USP34: variants seen among roughly 807,000 people sequenced by gnomAD.
The protein encoded by USP34 is ubiquitin carboxyl-terminal hydrolase 34.
Under a neutral mutation model 460.3 loss-of-function variants are expected in USP34, and 70 were observed. That is an observed-to-expected ratio of 0.15 (90% confidence interval 0.13 to 0.19). The LOEUF is 0.19. Among genes scored for constraint, USP34 ranks in the 10% least tolerant of loss-of-function variants. The pLI, the probability that USP34 is intolerant of heterozygous loss-of-function variation, is 1.00. For synonymous variants in USP34, 1,647 were observed against 1,405.3 expected (o/e 1.17, Z -3.85); for missense variants, 3,985 against 4,236.2 (o/e 0.94, Z 1.65).
intron 37 of USP34, among the ~76,000 whole-genome samples, chr2:61,282,559 C>G (rs1330741403): frequency 6.6e-6 from 1 of 152,096 alleles, no homozygotes; most frequent in African/African-American, 2.4e-5. Flanking sequence ...GAGGCCGAGG[C>G]AGGAGCATTA....
chr2:61,374,723 C>G (rs1044822723), intron 8 of USP34, among the ~76,000 whole-genome samples: 1 of 152,120 alleles, frequency 6.6e-6, no homozygotes, highest in Admixed American at 6.6e-5. Flanking sequence ...GATTCACCAC[C>G]AGGCCCAGCT....
intron 8 of USP34, among the ~76,000 whole-genome samples, chr2:61,376,276 T>C (rs1329590126): frequency 6.6e-6 from 1 of 152,004 alleles, no homozygotes; most frequent in Non-Finnish European, 1.5e-5. Flanking sequence ...TCACATGCTT[T>C]TTCTGTTTAC....
At chr2:61,229,476 C>CAAAAA in intron 59 of USP34, 72 bp downstream of exon 59, 7 of 395,194 alleles carry the variant, frequency 1.8e-5, no homozygotes, top group Non-Finnish European at 2.3e-5. Flanking sequence ...AAAAAAAAAA[C>CAAAAA]AAAAAAAAAA....
At chr2:61,266,281 C>A (rs1014596032) in intron 41 of USP34, 114 bp from the exon 42 acceptor site, 5 of 988,506 alleles carry the variant, frequency 5.1e-6, no homozygotes, top group African/African-American at 4.9e-5. Context: ...AAACGTATAG[C>A]AGCATGATAT....
chr2:61,221,683 T>C (rs1035646514), intron 65 of USP34, 77 bp from the exon 66 acceptor site: 1 of 1,285,352 alleles, frequency 7.8e-7, no homozygotes, highest in Non-Finnish European at 1.1e-6. Context: ...ACATATATTC[T>C]ACTACACACT....
At chr2:61,283,574 T>TGAGTGA (rs59387275) in intron 35 of USP34, 125 bp from the exon 36 acceptor site, 28 of 681,694 alleles carry the variant, frequency 4.1e-5, no homozygotes, top group East Asian at 8.9e-5. Context: ...AGTGGGTGTG[T>TGAGTGA]GAGTGAGAGT....
At chr2:61,290,400 A>G (rs1213917321) in intron 33 of USP34, among the ~76,000 whole-genome samples, 1 of 152,132 alleles carries the variant, frequency 6.6e-6, no homozygotes, top group Non-Finnish European at 1.5e-5. Flanking sequence ...GTTTACAGAA[A>G]CTTTATTTTA....
chr2:61,470,711 CCCCT>C lies in USP34; in HGVS notation c.-23_-20del. ...CGCACATCGTTCGGCCGCCGCCCCC[CCCCT>C]CCCCCGCTTCGGATCACACTGACTG... On this transcript the variant is annotated 5_prime_UTR_variant, in exon 1 of 80. Coordinates refer to ENST00000398571, the MANE Select transcript of USP34 (RefSeq NM_014709.4). 1.3e-6 allele frequency: 2 copies of C among 1,589,054 alleles called. No individual in the cohort carries two copies. Among genetic ancestry groups the C allele is most frequent in the Non-Finnish European group, 1.7e-6 (2 of 1,167,150 alleles).
chr2:61,226,914 T>A, intron 62 of USP34, 153 bp downstream of exon 62: 1 of 968,750 alleles, frequency 1.0e-6, no homozygotes, highest in Non-Finnish European at 1.4e-6. Context: ...AGTAGTATTA[T>A]TTAAAAGGAT....
rs79196656 is a variant in USP34 at position 61,262,342 on chromosome 2, A to G, written c.5779-2566T>C. 1.1e-4 allele frequency among the ~76,000 whole-genome samples: 16 copies of G among 151,650 alleles called. No individual in the cohort carries two copies. The East Asian group carries it at 2.9e-3, about 28-fold the overall frequency. ...TTTTCAATCCTGTTCCTCTTCCCACACTCCACCCTCAGGTAGGACACAACG... is the reference window on the plus strand; with the variant it reads ...TTTTCAATCCTGTTCCTCTTCCCACGCTCCACCCTCAGGTAGGACACAACG... On this transcript the variant is annotated intron_variant, in intron 43 of 79. Coordinates refer to ENST00000398571, the MANE Select transcript of USP34 (RefSeq NM_014709.4).
At chr2:61,237,863 G>A (rs1688115320) in intron 53 of USP34, among the ~76,000 whole-genome samples, 1 of 150,510 alleles carries the variant, frequency 6.6e-6, no homozygotes, top group African/African-American at 2.4e-5. Flanking sequence ...ATCTCATCCT[G>A]CCCACCCTGC....
intron 21 of USP34, among the ~76,000 whole-genome samples, chr2:61,323,377 G>A (rs1690986621): frequency 6.6e-6 from 1 of 152,060 alleles, no homozygotes; most frequent in Admixed American, 6.6e-5. Flanking sequence ...AGCTGGGTGT[G>A]GTGGTGGGCG....
chr2:61,439,918 G>A (rs1484179073), intron 1 of USP34, among the ~76,000 whole-genome samples: 1 of 152,158 alleles, frequency 6.6e-6, no homozygotes, highest in African/African-American at 2.4e-5. Context: ...AGGGACTGCT[G>A]CTGGGCCAAC....
chr2:61,338,181 C>A (rs540145620), intron 18 of USP34, among the ~76,000 whole-genome samples: 2 of 152,228 alleles, frequency 1.3e-5, no homozygotes, highest in South Asian at 4.2e-4. Flanking sequence ...ATTAGCCAGC[C>A]ATGATGGCAG....
intron 35 of USP34, among the ~76,000 whole-genome samples, chr2:61,284,468 T>C (rs897144842): frequency 6.6e-6 from 1 of 152,088 alleles, no homozygotes; most frequent in Non-Finnish European, 1.5e-5. Flanking sequence ...GCAAGAAAAA[T>C]ACTGCTATAA....
chr2:61,244,785 A>G (rs774491165), intron 51 of USP34, among the ~76,000 whole-genome samples: 2 of 152,050 alleles, frequency 1.3e-5, no homozygotes, highest in Non-Finnish European at 2.9e-5. Flanking sequence ...ACATTTTTTT[A>G]ATTTCTTTTT....
chr2:61,230,144 T>A (rs1687849487), intron 58 of USP34, among the ~76,000 whole-genome samples: 1 of 152,086 alleles, frequency 6.6e-6, no homozygotes, highest in Non-Finnish European at 1.5e-5. Context: ...ATGGCTAAAA[T>A]AAAAGACAGT....
intron 10 of USP34, among the ~76,000 whole-genome samples, chr2:61,356,487 A>G (rs1465936928): frequency 2.6e-4 from 33 of 128,642 alleles, no homozygotes; most frequent in Admixed American, 7.2e-4. Context: ...ACACACACAC[A>G]CACACACACA....
intron 20 of USP34, 125 bp from the exon 21 acceptor site, chr2:61,325,582 G>C (rs922707168): frequency 2.0e-6 from 1 of 502,352 alleles, no homozygotes; most frequent in East Asian, 3.7e-5. Context: ...TTTTAACTAA[G>C]TATCTTTGGT....
Sources: allele counts gnomAD v4.1 joint callset (sites outside exome capture counted in the v4.1 genomes callset), GRCh38; gene constraint gnomAD v4.1.1; transcripts MANE v1.5; gene names NCBI Gene and HGNC (gene_info 2026-07-23, HGNC 2026-07-21).